Variants in GFPT1 observed in about 807,000 individuals in gnomAD.
GFPT1 encodes glutamine--fructose-6-phosphate transaminase 1, also known as glutamine--fructose-6-phosphate aminotransferase [isomerizing] 1.
In GFPT1, 40 loss-of-function variants were observed where a neutral mutation model predicts 92.0. The ratio of observed to expected loss-of-function variants is 0.43; its 90% confidence interval spans 0.34 to 0.57. The LOEUF (loss-of-function observed/expected upper bound fraction) is 0.57, where lower values mean the gene tolerates loss of function less well. Among genes scored for constraint, GFPT1 ranks in the 20% least tolerant of loss-of-function variants. GFPT1 has a pLI of 0.02. For synonymous variants in GFPT1, 269 were observed against 280.6 expected (o/e 0.96, Z 0.41); for missense variants, 448 against 869.1 (o/e 0.52, Z 6.09).
At chr2:69,361,877 G>A (rs1037216893) in intron 4 of GFPT1, among the ~76,000 whole-genome samples, 4 of 152,264 alleles carry the variant, frequency 2.6e-5, no homozygotes, top group African/African-American at 9.6e-5. Context: ...CTACTCAGGA[G>A]GCTGAGGCAG....
At chr2:69,347,033 C>T (rs1325747883) in intron 11 of GFPT1, among the ~76,000 whole-genome samples, 3 of 152,084 alleles carry the variant, frequency 2.0e-5, no homozygotes, top group African/African-American at 7.2e-5. Context: ...CCTCAGCCTC[C>T]CCAGTCACTG....
chr2:69,323,184 C>T lies in GFPT1; in HGVS notation c.*3005G>A, dbSNP rs1308350304. On this transcript the variant is annotated 3_prime_UTR_variant, in exon 20 of 20. Coordinates refer to ENST00000357308, the MANE Select transcript of GFPT1 (RefSeq NM_001244710.2). ...AATGTAATAATCACTTACTGGGCCA[C>T]ACGCTAGATGACAGACATGCCTCCC... The T allele has an allele frequency of 1.3e-5, 2 of 152,152 alleles. No individual in the cohort carries two copies. The highest frequency in any genetic ancestry group is 2.9e-5 in the Non-Finnish European group (2 of 68,028). The allele number at this position is 152,152 out of a possible 1,614,324, so 9.4% of individuals were successfully genotyped here. A position where few individuals can be genotyped will look rare whatever the true frequency, so the allele number is the denominator to read the frequency against.
intron 15 of GFPT1, among the ~76,000 whole-genome samples, chr2:69,335,160 C>T (rs973284036): frequency 6.6e-6 from 1 of 151,990 alleles, no homozygotes; most frequent in Non-Finnish European, 1.5e-5. Context: ...GCACGCACCA[C>T]CATGCCCCGC....
chr2:69,340,139 ACTTTTTTT>A (rs1670906040), intron 13 of GFPT1, among the ~76,000 whole-genome samples: 2 of 124,168 alleles, frequency 1.6e-5, no homozygotes, highest in Non-Finnish European at 3.2e-5. Context: ...AGTTGGGGCA[ACTTTTTTT>A]TTTTTTTTTT....
intron 18 of GFPT1, 31 bp downstream of exon 18, chr2:69,328,240 C>T: frequency 6.4e-7 from 1 of 1,574,454 alleles, no homozygotes; most frequent in South Asian, 1.1e-5. Context: ...CTCTTTGATC[C>T]CCAAGGTGTT....
chr2:69,370,253 A>G (rs1173621970), intron 2 of GFPT1, 145 bp from the exon 3 acceptor site: 1 of 661,356 alleles, frequency 1.5e-6, no homozygotes, highest in African/African-American at 1.8e-5. Context: ...CTGAAAACCT[A>G]TTGTGTGTCA....
In GFPT1 at chr2:69,326,962, G is replaced by A. The variant is rs1305999204; in HGVS notation, c.2007C>T (p.Ile669=). The A allele has an allele frequency of 1.9e-6, 3 of 1,614,068 alleles. No homozygotes were observed. Among genetic ancestry groups the A allele is most frequent in the Admixed American group, 1.7e-5 (1 of 60,012 alleles). Reference sequence around the variant, plus strand: ...GGTGGAAAGCCAGCAACTGTAAAGGGATCACGCTGAGAATGCCCTGCAAGC... The same window carrying A: ...GGTGGAAAGCCAGCAACTGTAAAGGAATCACGCTGAGAATGCCCTGCAAGC... The part of the protein sequence containing the change: ...VDCLQGILSV[I]PLQLLAFHLA... Residue 669 remains isoleucine, a synonymous_variant, in exon 19 of 20, where the codon ATC becomes ATT. Transcript: ENST00000357308.
chr2:69,348,547 A>G (rs1671136605), intron 10 of GFPT1, among the ~76,000 whole-genome samples: 1 of 152,186 alleles, frequency 6.6e-6, no homozygotes, highest in Admixed American at 6.5e-5. Context: ...CTGCATAGCA[A>G]TCTAAACCAA....
At chr2:69,341,629 T>C (rs974900717) in intron 13 of GFPT1, among the ~76,000 whole-genome samples, 4 of 149,548 alleles carry the variant, frequency 2.7e-5, no homozygotes, top group Non-Finnish European at 4.5e-5. Flanking sequence ...CTCATACACC[T>C]ATGCTTCTGC....
rs567402654 is a variant in GFPT1, at chr2:69,370,087, T to C, written c.137A>G (p.Asn46Ser). ...DSAGVGFDGG[N>S]DKDWEANACK... Reference sequence around the variant, plus strand: ...GGCATTGGCTTCCCAATCTTTATCATTGCCTCCATCAAATCCCACACCTAA... The same window carrying C: ...GGCATTGGCTTCCCAATCTTTATCACTGCCTCCATCAAATCCCACACCTAA... Residue 46 changes from asparagine (N) to serine (S), a missense_variant, in exon 3 of 20, where the codon AAT (asparagine) becomes AGT (serine). Asn to Ser is a conservative substitution (Grantham distance 46, BLOSUM62 1). Around this residue, in one of 7 missense-constraint regions of GFPT1, gnomAD observed 72 missense variants for 95.1 expected, o/e 0.76. Coordinates refer to ENST00000357308, the MANE Select transcript of GFPT1 (RefSeq NM_001244710.2). The C allele has an allele frequency of 1.9e-6, 3 of 1,609,062 alleles. No individual in the cohort carries two copies. The highest frequency in any genetic ancestry group is 1.3e-5 in the African/African-American group (1 of 74,946).
rs183303993 is a variant in GFPT1, at chr2:69,380,879, C to G, written c.7+6186G>C. On this transcript the variant is annotated intron_variant, in intron 1 of 19. Transcript: ENST00000357308. ...CACTTGCTTAACTTTCAAACTTCTC[C>G]CAGATATTATTTTAGAGTCTAAGCT... Among the ~76,000 whole-genome samples, 6 of 152,284 alleles carry G rather than the reference C, an allele frequency of 3.9e-5. No homozygotes were observed. The East Asian group carries it at 1.2e-3, about 29-fold the overall frequency.
intron 3 of GFPT1, among the ~76,000 whole-genome samples, chr2:69,364,642 T>C (rs934791655): frequency 2.0e-5 from 3 of 152,172 alleles, no homozygotes; most frequent in African/African-American, 7.2e-5. Context: ...AACCGAGCAA[T>C]GCTATGAAAG....
At position 69,321,244 on chromosome 2, in the gene GFPT1, G is replaced by A. The variant is rs1670396558; in HGVS notation, c.*4945C>T. The A allele has an allele frequency of 6.6e-6, 1 of 152,220 alleles. No individual in the cohort carries two copies. Among genetic ancestry groups the A allele is most frequent in the Non-Finnish European group, 1.5e-5 (1 of 68,042 alleles). The allele number at this position is 152,220 out of a possible 1,614,324, so 9.4% of individuals were successfully genotyped here. On this transcript the variant is annotated 3_prime_UTR_variant, in exon 20 of 20. Transcript: ENST00000357308. ...AAAATGTTTTAAAAGATGTGAGAAA[G>A]TATCTGTGGAGTTTGGTATCAGAAA...
At chr2:69,365,084 C>T (rs1372181733) in intron 3 of GFPT1, among the ~76,000 whole-genome samples, 1 of 146,754 alleles carries the variant, frequency 6.8e-6, no homozygotes, top group African/African-American at 2.5e-5. Flanking sequence ...AAAAAATGGA[C>T]AGCTCCAGTT....
chr2:69,368,519 G>A (rs1179672100), intron 3 of GFPT1, among the ~76,000 whole-genome samples: 1 of 152,138 alleles, frequency 6.6e-6, no homozygotes, highest in Non-Finnish European at 1.5e-5. Context: ...CTTGAGGTCA[G>A]GAGTTCAAGA....
At chr2:69,377,782 C>T (rs1159079858) in intron 1 of GFPT1, among the ~76,000 whole-genome samples, 1 of 152,186 alleles carries the variant, frequency 6.6e-6, no homozygotes, top group Non-Finnish European at 1.5e-5. Context: ...GTTTCATAGC[C>T]CTGTCCCTTG....
chr2:69,357,431 G>C (rs1324302908), intron 6 of GFPT1, among the ~76,000 whole-genome samples: 1 of 152,146 alleles, frequency 6.6e-6, no homozygotes, highest in African/African-American at 2.4e-5. Context: ...AGTAGGAGAG[G>C]GAAGAACCAC....
intron 1 of GFPT1, among the ~76,000 whole-genome samples, chr2:69,382,212 T>C (rs925745335): frequency 2.0e-5 from 3 of 152,224 alleles, no homozygotes; most frequent in African/African-American, 4.8e-5. Flanking sequence ...AATACAGAAC[T>C]CTTTTGTTAA....
At chr2:69,380,502 G>A (rs956042391) in intron 1 of GFPT1, among the ~76,000 whole-genome samples, 6 of 152,048 alleles carry the variant, frequency 3.9e-5, no homozygotes, top group African/African-American at 9.7e-5. Context: ...TCCATGACAC[G>A]TCTCTTGCAC....
Sources: allele counts gnomAD v4.1 joint callset (sites outside exome capture counted in the v4.1 genomes callset), GRCh38; gene constraint gnomAD v4.1.1; regional missense constraint gnomAD v4.1.1; transcripts MANE v1.5; gene names NCBI Gene and HGNC (gene_info 2026-07-23, HGNC 2026-07-21).